EXOC6B: variants seen among roughly 807,000 people sequenced by gnomAD.
The protein encoded by EXOC6B is exocyst complex component 6B, also known as SEC15 homolog B.
A neutral mutation model predicts 113.5 loss-of-function variants in EXOC6B; 54 were observed. The observed-to-expected ratio is 0.48, with a 90% confidence interval of 0.38 to 0.60. The LOEUF is 0.60. Ranked by LOEUF, EXOC6B falls within the 20% of genes least tolerant of loss-of-function variation. EXOC6B has a pLI of 0.00. For synonymous variants in EXOC6B, 357 were observed against 339.0 expected, an observed-to-expected ratio of 1.05 and a Z score of -0.58; for missense variants, 797 against 977.5, an observed-to-expected ratio of 0.82 and a Z score of 2.46.
chr2:72,566,163 C>T (rs1480972566), intron 7 of EXOC6B, among the ~76,000 whole-genome samples: 1 of 152,064 alleles, frequency 6.6e-6, no homozygotes, highest in Non-Finnish European at 1.5e-5. Context: ...CCCAAAATTC[C>T]CTATGCCCCT....
intron 6 of EXOC6B, among the ~76,000 whole-genome samples, chr2:72,650,764 C>CA (rs909270787): frequency 1.4e-4 from 20 of 145,288 alleles, no homozygotes; most frequent in South Asian, 2.2e-4. Flanking sequence ...ATGGCTGTTA[C>CA]AAAAAAAAAT....
intron 8 of EXOC6B, among the ~76,000 whole-genome samples, chr2:72,537,436 T>C (rs1198614098): frequency 1.4e-5 from 2 of 147,938 alleles, no homozygotes; most frequent in East Asian, 3.9e-4. Context: ...GCAAAACCCC[T>C]GTCTCTACAA....
chr2:72,607,959 C>CA (rs1251269661), intron 6 of EXOC6B, among the ~76,000 whole-genome samples: 2 of 151,524 alleles, frequency 1.3e-5, no homozygotes, highest in African/African-American at 4.8e-5. Context: ...TCAGAAAGGA[C>CA]AAAAAACAAA....
rs139350218 is a variant in EXOC6B, at chr2:72,318,463, G to A, written c.2196+16484C>T. Among the ~76,000 whole-genome samples the A allele has an allele frequency of 7.2e-3, 1,084 of 151,496 alleles. 14 individuals are homozygous for A. Among genetic ancestry groups the A allele is most frequent in the African/African-American group, 0.024 (989 of 41,282 alleles). ...GGCTAGAGTGCAATGGTGCGATCTC[G>A]GCCCACTGCAATCTCCGCCTCCTGG... On this transcript the variant is annotated intron_variant, in intron 20 of 21. Transcript: ENST00000272427.
At chr2:72,265,986 G>T (rs1237022031) in intron 20 of EXOC6B, among the ~76,000 whole-genome samples, 1 of 152,072 alleles carries the variant, frequency 6.6e-6, no homozygotes, top group Non-Finnish European at 1.5e-5. Flanking sequence ...GTTTTGATTT[G>T]CATTTCTCTG....
At chr2:72,583,712 T>G (rs572736971) in intron 6 of EXOC6B, among the ~76,000 whole-genome samples, 17 of 144,022 alleles carry the variant, frequency 1.2e-4, no homozygotes, top group South Asian at 4.2e-4. Flanking sequence ...AGTTCTCTGG[T>G]TTTTTTTGTT....
chr2:72,747,700 T>C (rs1013488069), intron 1 of EXOC6B, among the ~76,000 whole-genome samples: 1 of 152,008 alleles, frequency 6.6e-6, no homozygotes, highest in Non-Finnish European at 1.5e-5. Context: ...GTCTACACAC[T>C]TTACAAAGCA....
intron 6 of EXOC6B, among the ~76,000 whole-genome samples, chr2:72,654,466 T>C (rs951304385): frequency 1.3e-5 from 2 of 152,178 alleles, no homozygotes; most frequent in Non-Finnish European, 2.9e-5. Context: ...AACAATCACT[T>C]CGTGTTGCAG....
chr2:72,616,498 T>C (rs1671393982), intron 6 of EXOC6B, among the ~76,000 whole-genome samples: 1 of 152,170 alleles, frequency 6.6e-6, no homozygotes, highest in Non-Finnish European at 1.5e-5. Flanking sequence ...TATTAGTCTG[T>C]TTCCATGGCT....
intron 20 of EXOC6B, among the ~76,000 whole-genome samples, chr2:72,248,245 A>G (rs1056729578): frequency 8.5e-5 from 13 of 152,182 alleles, no homozygotes; most frequent in Non-Finnish European, 1.0e-4. Flanking sequence ...CACTATCCTT[A>G]TTCCTTTAAT....
At chr2:72,271,168 G>T (rs976123517) in intron 20 of EXOC6B, among the ~76,000 whole-genome samples, 3 of 152,124 alleles carry the variant, frequency 2.0e-5, no homozygotes, top group African/African-American at 7.2e-5. Flanking sequence ...TGACTTGATT[G>T]GGACCAAGAG....
intron 20 of EXOC6B, among the ~76,000 whole-genome samples, chr2:72,304,406 G>A (rs946071104): frequency 6.6e-6 from 1 of 152,072 alleles, no homozygotes; most frequent in Non-Finnish European, 1.5e-5. Context: ...CCTCAAACAT[G>A]CCACACCAGT....
At chr2:72,401,664 T>C (rs1334834337) in intron 18 of EXOC6B, among the ~76,000 whole-genome samples, 1 of 77,152 alleles carries the variant, frequency 1.3e-5, no homozygotes, top group Non-Finnish European at 2.1e-5. Flanking sequence ...TATATATATA[T>C]ATGTATATAT....
At chr2:72,257,534 A>G (rs1683426378) in intron 20 of EXOC6B, among the ~76,000 whole-genome samples, 1 of 152,236 alleles carries the variant, frequency 6.6e-6, no homozygotes, top group Admixed American at 6.5e-5. Flanking sequence ...TACTGAAGGC[A>G]ATGTATTATT....
At chr2:72,624,731 G>A (rs78012630) in intron 6 of EXOC6B, among the ~76,000 whole-genome samples, 3,255 of 152,208 alleles carry the variant, frequency 0.021, 39 homozygotes, top group Non-Finnish European at 0.031. Context: ...AGATGACAGA[G>A]CAAGACCCTG....
chr2:72,471,229 AT>A, intron 17 of EXOC6B, among the ~76,000 whole-genome samples: 1 of 152,156 alleles, frequency 6.6e-6, no homozygotes, highest in East Asian at 1.9e-4. Flanking sequence ...GATGATGAGC[AT>A]TTTTTCACGT....
intron 6 of EXOC6B, among the ~76,000 whole-genome samples, chr2:72,631,465 G>T (rs1216594647): frequency 0.062 from 225 of 3,616 alleles, 2 homozygotes; most frequent in Admixed American, 0.075. Flanking sequence ...TATATATAGA[G>T]AGAGAGAGAG....
chr2:72,784,190 C>A lies in EXOC6B; in HGVS notation c.113+41608G>T, dbSNP rs1354301759. Among the ~76,000 whole-genome samples the A allele has an allele frequency of 2.0e-5, 3 of 152,166 alleles. No homozygotes were observed. In the East Asian group the frequency reaches 5.8e-4, roughly 29 times the overall value. On this transcript the variant is annotated intron_variant, in intron 1 of 21. Coordinates refer to ENST00000272427, the MANE Select transcript of EXOC6B (RefSeq NM_015189.3). ...TTTATTTCTGGTTCTGAATTCTTCT[C>A]CATTGGTCTATGTGTCTATTTTTAT... is the stretch of plus-strand genomic sequence containing the variant.
At chr2:72,418,284 C>T (rs1034105609) in intron 18 of EXOC6B, among the ~76,000 whole-genome samples, 1 of 152,172 alleles carries the variant, frequency 6.6e-6, no homozygotes, top group African/African-American at 2.4e-5. Context: ...CTCCATAACA[C>T]TTTCCATTTT....
Sources: gnomAD v4.1 joint callset for allele counts (sites outside exome capture counted in the v4.1 genomes callset) on GRCh38, gnomAD v4.1.1 for gene constraint, MANE v1.5 for transcripts, NCBI Gene and HGNC (gene_info 2026-07-23, HGNC 2026-07-21) for gene names.